Variants in CCDC83 observed in about 807,000 individuals in gnomAD.
CCDC83 encodes the protein coiled-coil domain-containing protein 83.
In CCDC83, 54 loss-of-function variants were observed where a neutral mutation model predicts 50.1. The ratio of observed to expected loss-of-function variants is 1.08; its 90% CI spans 0.87 to 1.35. CCDC83 has a LOEUF of 1.35. Among genes scored for constraint, CCDC83 ranks in the 40% most tolerant of loss-of-function variants. The probability of loss-of-function intolerance (pLI) is 0.00; values close to 1 mark genes in which losing one functional copy is unlikely to be tolerated. For missense variants in CCDC83, 518 were observed against 473.9 expected, an observed-to-expected ratio of 1.09 and a Z score of -0.86; for synonymous variants, 161 against 153.3, an observed-to-expected ratio of 1.05 and a Z score of -0.37.
intron 10 of CCDC83, among the ~76,000 whole-genome samples, chr11:85,918,845 C>T (rs2093495316): frequency 6.6e-6 from 1 of 152,172 alleles, no homozygotes; most frequent in Non-Finnish European, 1.5e-5. Flanking sequence ...ATTCACCTCG[C>T]ACTTTACAAA....
At chr11:85,914,707 C>T (rs2093469699) in intron 8 of CCDC83, among the ~76,000 whole-genome samples, 1 of 152,118 alleles carries the variant, frequency 6.6e-6, no homozygotes, top group Admixed American at 6.5e-5. Flanking sequence ...CCTTCTTTCA[C>T]CCCTAGCTCT....
intron 10 of CCDC83, among the ~76,000 whole-genome samples, chr11:85,918,371 C>G (rs1338807012): frequency 6.6e-6 from 1 of 152,158 alleles, no homozygotes. Flanking sequence ...CACCCCAGCA[C>G]TTGATATAGG....
chr11:85,897,048 T>C (rs2093379072), intron 6 of CCDC83, among the ~76,000 whole-genome samples: 1 of 152,236 alleles, frequency 6.6e-6, no homozygotes, highest in African/African-American at 2.4e-5. Context: ...GCTCATGCAA[T>C]TCAGCTACTT....
chr11:85,881,605 G>A (rs941567021), intron 3 of CCDC83, among the ~76,000 whole-genome samples: 2 of 152,038 alleles, frequency 1.3e-5, no homozygotes, highest in Non-Finnish European at 2.9e-5. Flanking sequence ...TTTTTGTAGA[G>A]ACAGGGTATC....
At chr11:85,869,755 G>GA (rs1592142098) in intron 2 of CCDC83, among the ~76,000 whole-genome samples, 1 of 152,108 alleles carries the variant, frequency 6.6e-6, no homozygotes, top group South Asian at 2.1e-4. Flanking sequence ...TATTAAAAAG[G>GA]AAAAAAGTGT....
Position 85,865,007 on chromosome 11 carries a change from T to TAC in CCDC83, c.-28-88_-28-87insCA, listed in dbSNP as rs1471170244. 31 of 680,696 alleles carry TAC rather than the reference T, an allele frequency of 4.6e-5. No homozygotes were observed. The South Asian group carries it at 5.4e-4, about 12-fold the overall frequency. 42.2% of individuals were successfully genotyped at this position (680,696 alleles called of 1,614,324 possible). A position where few individuals can be genotyped will look rare whatever the true frequency, so the allele number is the denominator to read the frequency against. ...AGCAATCAGGATAGAAAGCCAGTATTAAGTCCCAGAGGTACCTTATCTAGA... is the reference window on the plus strand; with the variant it reads ...AGCAATCAGGATAGAAAGCCAGTATTACAAGTCCCAGAGGTACCTTATCTAGA... On this transcript the variant is annotated intron_variant, in intron 1 of 10. Coordinates refer to ENST00000342404, the MANE Select transcript of CCDC83 (RefSeq NM_001286159.2).
At chr11:85,876,843 G>A (rs1385945837) in intron 3 of CCDC83, among the ~76,000 whole-genome samples, 1 of 152,154 alleles carries the variant, frequency 6.6e-6, no homozygotes, top group African/African-American at 2.4e-5. Flanking sequence ...AGTTAAAAGG[G>A]TAAGCATGAC....
At chr11:85,860,137 C>T (rs60135492) in intron 1 of CCDC83, among the ~76,000 whole-genome samples, 24,115 of 151,292 alleles carry the variant, frequency 0.16, 2,112 homozygotes, top group Middle Eastern at 0.2. Context: ...AAATACAAAA[C>T]AAATAAATAA....
intron 3 of CCDC83, among the ~76,000 whole-genome samples, chr11:85,878,958 G>T (rs1188622549): frequency 1.3e-5 from 2 of 152,084 alleles, no homozygotes; most frequent in Non-Finnish European, 2.9e-5. Context: ...TCATGTGCCT[G>T]TCTTTTGCTA....
At chr11:85,895,272 T>TCA (rs1565148426) in intron 5 of CCDC83, 21 bp from the exon 6 acceptor site, 1 of 735,348 alleles carries the variant, frequency 1.4e-6, no homozygotes, top group Non-Finnish European at 2.0e-6. Flanking sequence ...TTCTTTTTTT[T>TCA]TTTTTTTTTT....
intron 5 of CCDC83, among the ~76,000 whole-genome samples, chr11:85,890,231 G>A (rs543253250): frequency 1.1e-4 from 17 of 152,250 alleles, no homozygotes; most frequent in Non-Finnish European, 2.4e-4. Flanking sequence ...GGAGCTAACC[G>A]CACTGACAGC....
intron 1 of CCDC83, among the ~76,000 whole-genome samples, chr11:85,860,754 A>C (rs978885991): frequency 6.6e-6 from 1 of 152,264 alleles, no homozygotes; most frequent in African/African-American, 2.4e-5. Flanking sequence ...TCAGTGGTGG[A>C]CTAGATAAAG....
chr11:85,887,820 C>G (rs1372022221), intron 5 of CCDC83, among the ~76,000 whole-genome samples: 1 of 32,880 alleles, frequency 3.0e-5, no homozygotes, highest in Admixed American at 3.1e-4. Flanking sequence ...TTTTTTTTTT[C>G]GAGACACGGT....
chr11:85,893,251 G>T (rs539815452), intron 5 of CCDC83, among the ~76,000 whole-genome samples: 1 of 152,306 alleles, frequency 6.6e-6, no homozygotes, highest in South Asian at 2.1e-4. Flanking sequence ...GAAAAGATAT[G>T]GAAGAGAAGT....
intron 5 of CCDC83, among the ~76,000 whole-genome samples, chr11:85,892,675 C>A (rs2093355884): frequency 6.6e-6 from 1 of 152,152 alleles, no homozygotes; most frequent in Admixed American, 6.5e-5. Context: ...ATCCATTATG[C>A]TCCTGATCCA....
intron 1 of CCDC83, among the ~76,000 whole-genome samples, chr11:85,858,981 A>G (rs2093158925): frequency 6.6e-6 from 1 of 152,166 alleles, no homozygotes; most frequent in Admixed American, 6.5e-5. Context: ...GAGAATTGAT[A>G]GCCAGAGGTT....
At chr11:85,907,595 G>C (rs906880490) in intron 7 of CCDC83, among the ~76,000 whole-genome samples, 3 of 152,202 alleles carry the variant, frequency 2.0e-5, no homozygotes, top group African/African-American at 7.2e-5. Flanking sequence ...TTGCTGGGGG[G>C]CAGCTGAGGC....
intron 8 of CCDC83, among the ~76,000 whole-genome samples, chr11:85,911,744 TAGAG>T (rs1252783041): frequency 2.6e-5 from 4 of 151,680 alleles, no homozygotes; most frequent in East Asian, 1.9e-4. Flanking sequence ...ATAGAGGAGG[TAGAG>T]AGTTAGCACA....
chr11:85,886,238 C>T lies in CCDC83; in HGVS notation c.382C>T (p.Leu128Phe), dbSNP rs1044433786. Residue 128 changes from leucine (L) to phenylalanine (F), a missense_variant, in exon 5 of 11, where the codon CTT becomes TTT. Transcript: ENST00000342404. ...AATAAGTAATGCTGAGAAACTATTTCTTGAGAAACTCAGTGAAAAGGAATA... is the reference window on the plus strand; with the variant it reads ...AATAAGTAATGCTGAGAAACTATTTTTTGAGAAACTCAGTGAAAAGGAATA... ...MQISNAEKLF[L>F]EKLSEKEYWE... is the part of the protein sequence containing the mutation. 2.6e-5 allele frequency: 41 copies of T among 1,598,252 alleles called. No individual in the cohort carries two copies. Among genetic ancestry groups the T allele is most frequent in the Non-Finnish European group, 3.2e-5 (38 of 1,174,586 alleles).
Sources: allele counts gnomAD v4.1 joint callset (sites outside exome capture counted in the v4.1 genomes callset), GRCh38; gene constraint gnomAD v4.1.1; transcripts MANE v1.5; gene names NCBI Gene and HGNC (gene_info 2026-07-23, HGNC 2026-07-21).